The following USH2A variants were observed in gnomAD, a reference collection of about 807,000 sequenced individuals.
USH2A encodes the protein usherin.
Under a neutral mutation model 538.9 loss-of-function variants are expected in USH2A, and 443 were observed. The observed-to-expected ratio is 0.82, with a 90% confidence interval of 0.76 to 0.89. The LOEUF (loss-of-function observed/expected upper bound fraction) is 0.89. Among genes scored for constraint, USH2A ranks in the 40% least tolerant of loss-of-function variants. The pLI, the probability that USH2A is intolerant of heterozygous loss-of-function variation, is 0.00. For synonymous variants in USH2A, 2,413 were observed against 2,273.5 expected (o/e 1.06, Z -1.75); for missense variants, 6,633 against 6,324.8 (o/e 1.05, Z -1.65).
At chr1:215,845,785 G>A (rs368142483) in intron 45 of USH2A, 39 bp downstream of exon 45, 78 of 1,590,132 alleles carry the variant, frequency 4.9e-5, no homozygotes, top group South Asian at 4.3e-4. Flanking sequence ...AATTTCATTC[G>A]CATCTCTGAG....
chr1:216,088,088 C>T (rs766760497), intron 23 of USH2A, among the ~76,000 whole-genome samples: 1 of 152,100 alleles, frequency 6.6e-6, no homozygotes, highest in Non-Finnish European at 1.5e-5. Flanking sequence ...TCTTGTTGGT[C>T]CTTGACATGC....
Position 215,846,454 on chromosome 1 carries a change from TTCAC to T in USH2A, c.8846-425_8846-422del, listed in dbSNP as rs758135985. ...GCCTCAAACTTCTGGCCTCAAGTGATTCACCCACCTCAGCCTCCCAGACTGTTGG... is the reference window on the plus strand; with the variant it reads ...GCCTCAAACTTCTGGCCTCAAGTGATCCACCTCAGCCTCCCAGACTGTTGG... On this transcript the variant is annotated intron_variant, in intron 44 of 71. Coordinates refer to ENST00000307340, the MANE Select transcript of USH2A (RefSeq NM_206933.4). Among the ~76,000 whole-genome samples, 11 of 152,284 alleles carry T rather than the reference TTCAC, an allele frequency of 7.2e-5. No homozygotes were observed. In the South Asian group the frequency reaches 8.3e-4, roughly 11 times the overall value.
intron 38 of USH2A, among the ~76,000 whole-genome samples, chr1:215,921,688 T>G (rs530154335): frequency 6.6e-6 from 1 of 152,056 alleles, no homozygotes; most frequent in African/African-American, 2.4e-5. Context: ...AGAACTAGGC[T>G]TCTATAGTCA....
In USH2A at chr1:216,304,414, G is replaced by A. The variant is rs545895638; in HGVS notation, c.1645-12044C>T. On this transcript the variant is annotated intron_variant, in intron 9 of 71. Transcript: ENST00000307340. ...TAGGCACTTATCTAGCACTGCGGCC[G>A]TAACTTTTGCACTTTGTGGTTTGAC... 9.9e-5 allele frequency among the ~76,000 whole-genome samples: 15 copies of A among 151,838 alleles called. No individual in the cohort carries two copies. In the East Asian group the frequency reaches 1.2e-3, roughly 12 times the overall value.
chr1:215,666,557 CG>C (rs1657610321), intron 64 of USH2A, among the ~76,000 whole-genome samples: 1 of 152,120 alleles, frequency 6.6e-6, no homozygotes, highest in Non-Finnish European at 1.5e-5. Flanking sequence ...CCTTTTGAAT[CG>C]CAGGGATTCC....
intron 4 of USH2A, among the ~76,000 whole-genome samples, chr1:216,358,279 C>G (rs939259278): frequency 6.6e-6 from 1 of 152,086 alleles, no homozygotes; most frequent in African/African-American, 2.4e-5. Context: ...AGAAAAGATC[C>G]ATCTTGATCT....
rs566350361 is a variant in USH2A at position 216,077,372 on chromosome 1, C to T, written c.5572+717G>A. 6.6e-5 allele frequency among the ~76,000 whole-genome samples: 10 copies of T among 151,852 alleles called. No individual in the cohort carries two copies. In the South Asian group the frequency reaches 1.9e-3, roughly 28 times the overall value. On this transcript the variant is annotated intron_variant, in intron 27 of 71. Transcript: ENST00000307340. ...TGTTTGGAAGTCAACCACATACACCCCACATTTTTTTTCCACATGAAAGCT... is the reference window on the plus strand; with the variant it reads ...TGTTTGGAAGTCAACCACATACACCTCACATTTTTTTTCCACATGAAAGCT...
intron 3 of USH2A, among the ~76,000 whole-genome samples, chr1:216,397,667 C>A (rs748162525): frequency 6.6e-6 from 1 of 152,190 alleles, no homozygotes; most frequent in Non-Finnish European, 1.5e-5. Context: ...GCCTTTGGAC[C>A]CTGAAACTTG....
intron 37 of USH2A, among the ~76,000 whole-genome samples, chr1:215,948,443 T>TATACAC (rs749886577): frequency 5.4e-4 from 80 of 147,240 alleles, no homozygotes; most frequent in African/African-American, 1.3e-3. Flanking sequence ...TATATATATA[T>TATACAC]ACACACACAC....
chr1:216,304,762 T>G (rs1218603870), intron 9 of USH2A, among the ~76,000 whole-genome samples: 1 of 152,054 alleles, frequency 6.6e-6, no homozygotes, highest in East Asian at 1.9e-4. Flanking sequence ...CCATCTTGAT[T>G]TCATTGTTGA....
intron 11 of USH2A, among the ~76,000 whole-genome samples, chr1:216,267,280 G>C (rs2036491757): frequency 6.6e-6 from 1 of 152,072 alleles, no homozygotes; most frequent in Non-Finnish European, 1.5e-5. Context: ...TGTTTAAAAA[G>C]ACAGAGGTCC....
chr1:215,647,006 G>A (rs1405378587), intron 67 of USH2A, among the ~76,000 whole-genome samples: 4 of 152,174 alleles, frequency 2.6e-5, no homozygotes, highest in Non-Finnish European at 5.9e-5. Context: ...CTCGCCTAAC[G>A]ATGCATTTCT....
intron 61 of USH2A, among the ~76,000 whole-genome samples, chr1:215,684,182 T>C (rs545244085): frequency 5.9e-5 from 9 of 152,336 alleles, no homozygotes; most frequent in African/African-American, 1.9e-4. Context: ...CAAGACTCTC[T>C]GGAACACTCT....
At chr1:215,799,475 A>G (rs936951624) in intron 49 of USH2A, among the ~76,000 whole-genome samples, 2 of 152,214 alleles carry the variant, frequency 1.3e-5, no homozygotes, top group Non-Finnish European at 2.9e-5. Context: ...TCAAAAACCA[A>G]CTATTGATAA....
At chr1:216,003,164 G>C (rs1668306390) in intron 32 of USH2A, among the ~76,000 whole-genome samples, 1 of 152,072 alleles carries the variant, frequency 6.6e-6, no homozygotes. Flanking sequence ...CTTAGAACAA[G>C]TATACCTCTC....
chr1:215,717,388 G>A (rs1659515640), intron 61 of USH2A, among the ~76,000 whole-genome samples: 2 of 152,114 alleles, frequency 1.3e-5, no homozygotes, highest in Admixed American at 6.5e-5. Context: ...CATGATGCCT[G>A]TGTTTTTTCT....
intron 69 of USH2A, among the ~76,000 whole-genome samples, chr1:215,637,198 GGAAAC>G (rs1272221183): frequency 6.6e-6 from 1 of 152,116 alleles, no homozygotes; most frequent in Non-Finnish European, 1.5e-5. Flanking sequence ...CATTCACCAA[GGAAAC>G]TAGACTGGCA....
intron 9 of USH2A, among the ~76,000 whole-genome samples, chr1:216,315,638 G>C (rs2037492848): frequency 6.6e-6 from 1 of 152,068 alleles, no homozygotes; most frequent in South Asian, 2.1e-4. Context: ...AAAAACACTA[G>C]TTTTGCCAGA....
chr1:216,200,544 T>A, intron 16 of USH2A, among the ~76,000 whole-genome samples: 1 of 152,144 alleles, frequency 6.6e-6, no homozygotes, highest in East Asian at 1.9e-4. Context: ...CTGGCCAACA[T>A]CTTGAATGGA....
Sources: gnomAD v4.1 joint callset for allele counts (sites outside exome capture counted in the v4.1 genomes callset) on GRCh38, gnomAD v4.1.1 for gene constraint, MANE v1.5 for transcripts, NCBI Gene and HGNC (gene_info 2026-07-23, HGNC 2026-07-21) for gene names.